Variants in PRSS33 observed in about 807,000 individuals in gnomAD.
PRSS33 encodes the protein serine protease 33, also known as protease, serine 33.
A neutral mutation model predicts 26.7 loss-of-function variants in PRSS33; 32 were observed. The ratio of observed to expected loss-of-function variants is 1.20; its 90% CI spans 0.90 to 1.61. The LOEUF (loss-of-function observed/expected upper bound fraction) is 1.61. PRSS33 is among the 40% of genes most tolerant of loss of function. PRSS33 has a pLI of 0.00. For missense variants in PRSS33, 450 were observed against 396.3 expected, an observed-to-expected ratio of 1.14 and a Z score of -1.15; for synonymous variants, 192 against 177.6, an observed-to-expected ratio of 1.08 and a Z score of -0.64.
At position 2,785,142 on chromosome 16, in the gene PRSS33, C is replaced by CT; in HGVS notation, c.543dup (p.Gly182ArgfsTer26). The CT allele has an allele frequency of 6.5e-7, 1 of 1,542,564 alleles. No homozygotes were observed. ...GAGTCCAGCAGCGGCACCCTTACTC[C>CT]TTGTAGCGGTCGCCACTCTGGGAGG... On this transcript the variant is annotated frameshift_variant, in exon 6 of 7. Coordinates refer to ENST00000682474, the MANE Select transcript of PRSS33 (RefSeq NM_152891.3). LOFTEE classifies it high-confidence loss of function.
rs759364613 is a variant in PRSS33 at position 2,786,532 on chromosome 16, A to G, written c.16T>C (p.Cys6Arg). The G allele has an allele frequency of 1.2e-6, 2 of 1,613,356 alleles. No homozygotes were observed. Among genetic ancestry groups the G allele is most frequent in the East Asian group, 4.5e-5 (2 of 44,862 alleles). ...ACCAGAAGGAGCAGGACCTGGAGAC[A>G]GGAAACCCCTCTCATTCTGTCTTCA... is the stretch of plus-strand genomic sequence containing the variant. The part of the protein sequence containing the change: MRGVS[C>R]LQVLLLLVLG... Residue 6 changes from cysteine to arginine, a missense_variant, in exon 2 of 7, where the codon TGT (cysteine) becomes CGT (arginine). Coordinates refer to ENST00000682474, the MANE Select transcript of PRSS33 (RefSeq NM_152891.3).
rs1463759671 is a variant in PRSS33, at chr16:2,786,086, C to T, written c.79+3G>A. The T allele has an allele frequency of 6.2e-7, 1 of 1,613,554 alleles. No individual in the cohort carries two copies. Among genetic ancestry groups the T allele is most frequent in the South Asian group, 1.1e-5 (1 of 91,078 alleles). ...ACTCGGGTGGACTCCGAGGCTTCCT[C>T]ACCTGCAGACTTCCTTCCCTGAGTC... On this transcript the variant is annotated splice_donor_region_variant and intron_variant, in intron 3 of 6. Coordinates refer to ENST00000682474, the MANE Select transcript of PRSS33 (RefSeq NM_152891.3).
Position 2,784,739 on chromosome 16 carries a change from TCACCACGCC to T in PRSS33, c.739_747del (p.Gly247_Val249del). 1 of 1,607,998 alleles carries T rather than the reference TCACCACGCC, an allele frequency of 6.2e-7. No homozygotes were observed. The highest frequency in any genetic ancestry group is 1.1e-5 in the South Asian group (1 of 89,838). On this transcript the variant is annotated inframe_deletion, in exon 7 of 7. Transcript: ENST00000682474. ...GGCAGGGCACAACCCTTGCCCCAGC[TCACCACGCC>T]CACCAGGACCCAGCTCCCAGACTGC... is the stretch of plus-strand genomic sequence containing the variant.
rs2068875779 is a variant in PRSS33 at position 2,786,504 on chromosome 16, A to G, written c.44T>C (p.Leu15Pro). The change falls in exon 2 of 7, where the codon CTG becomes CCG. Residue 15 changes from leucine (L) to proline (P), a missense_variant and splice_region_variant. Physicochemically the swap from Leu to Pro is moderately conservative, Grantham distance 98. Transcript: ENST00000682474. ...SCLQVLLLLV[L>P]GAAGTQGRKS... ...CCCCAGTCCCTGTCCCCACTCACCC[A>G]GCACCAGAAGGAGCAGGACCTGGAG... The G allele has an allele frequency of 6.2e-7, 1 of 1,613,166 alleles. No individual in the cohort carries two copies. Among genetic ancestry groups the G allele is most frequent in the Non-Finnish European group, 8.5e-7 (1 of 1,179,588 alleles).
chr16:2,784,236 G>C lies in PRSS33; in HGVS notation c.*408C>G, dbSNP rs2068847472. Reference sequence around the variant, plus strand: ...CCGTGTCCTCAAAGCCAGCTATGGAGGATCTCCCTGGTGTCAAATCTCTGT... The same window carrying C: ...CCGTGTCCTCAAAGCCAGCTATGGACGATCTCCCTGGTGTCAAATCTCTGT... On this transcript the variant is annotated 3_prime_UTR_variant, in exon 7 of 7. Transcript: ENST00000682474. The C allele has an allele frequency of 6.4e-6, 1 of 156,140 alleles. No homozygotes were observed. The allele number at this position is 156,140 out of a possible 1,614,324, so 9.7% of individuals were successfully genotyped here.
chr16:2,786,043 G>C, intron 3 of PRSS33, 46 bp downstream of exon 3: 9 of 1,612,014 alleles, frequency 5.6e-6, no homozygotes, highest in Non-Finnish European at 6.8e-6. Flanking sequence ...ACACGGGGCC[G>C]AGGTCCAGGA....
In PRSS33 at chr16:2,784,822, C is replaced by G. The variant is rs1438614267; in HGVS notation, c.685-20G>C. On this transcript the variant is annotated intron_variant, in intron 6 of 6. Coordinates refer to ENST00000682474, the MANE Select transcript of PRSS33 (RefSeq NM_152891.3). ...ATCACCCTGCAGGAGAAAGAGGAGC[C>G]TAAGTCCCAGCCCTCCCAGGACTTC... 4 of 1,592,350 alleles carry G rather than the reference C, an allele frequency of 2.5e-6. No homozygotes were observed. The highest frequency in any genetic ancestry group is 3.4e-6 in the Non-Finnish European group (4 of 1,168,672).
rs1259237916 is a variant in PRSS33 at position 2,786,579 on chromosome 16, GCAC to G, written c.-35_-33del. 2.5e-6 allele frequency: 4 copies of G among 1,612,084 alleles called. No homozygotes were observed. The African/African-American group carries it at 5.3e-5, about 22-fold the overall frequency. On this transcript the variant is annotated 5_prime_UTR_variant, in exon 2 of 7. Transcript: ENST00000682474. ...TTCAAGGCTGGGCTGGGTAAGGGTGGCACTGCCTAGGGCTTGGACTCTGGTCTG... is the reference window on the plus strand; with the variant it reads ...TTCAAGGCTGGGCTGGGTAAGGGTGGTGCCTAGGGCTTGGACTCTGGTCTG...
intron 3 of PRSS33, 40 bp from the exon 4 acceptor site, chr16:2,786,001 C>G: frequency 6.2e-7 from 1 of 1,613,096 alleles, no homozygotes; most frequent in Non-Finnish European, 8.5e-7. Context: ...GGCTGAGGAC[C>G]TGGGGCCTGG....
In PRSS33 at chr16:2,787,547, G is replaced by A. The variant is rs996623996; in HGVS notation, c.-72C>T. 6.9e-5 allele frequency among the ~76,000 whole-genome samples: 10 copies of A among 144,244 alleles called. No homozygotes were observed. Among genetic ancestry groups the A allele is most frequent in the Admixed American group, 1.4e-4 (2 of 14,242 alleles). The allele number at this position is 144,244 out of a possible 152,430, so 94.6% of individuals were successfully genotyped here. A position where few individuals can be genotyped will look rare whatever the true frequency, so the allele number is the denominator to read the frequency against. ...CTTGCTCTCACCCTCACAGCCTGGCGCCTTCTGCTGACTGGGGTTGAGGGA... is the reference window on the plus strand; with the variant it reads ...CTTGCTCTCACCCTCACAGCCTGGCACCTTCTGCTGACTGGGGTTGAGGGA... On this transcript the variant is annotated 5_prime_UTR_variant, in exon 1 of 7. Coordinates refer to ENST00000682474, the MANE Select transcript of PRSS33 (RefSeq NM_152891.3).
intron 1 of PRSS33, 32 bp from the exon 2 acceptor site, chr16:2,786,636 C>T (rs2068877438): frequency 1.4e-6 from 2 of 1,479,160 alleles, no homozygotes; most frequent in Non-Finnish European, 9.3e-7. Context: ...GAGGAGAGTC[C>T]TGGCCCAGGG....
Position 2,786,611 on chromosome 16 carries a change from C to T in PRSS33, c.-57-7G>A. ...CTAGGGCTTGGACTCTGGTCTGGAG[C>T]CAGCAGGGAGAAGAGAGGAGAGTCC... On this transcript the variant is annotated splice_region_variant and splice_polypyrimidine_tract_variant and intron_variant, in intron 1 of 6. Coordinates refer to ENST00000682474, the MANE Select transcript of PRSS33 (RefSeq NM_152891.3). 1.3e-6 allele frequency: 2 copies of T among 1,589,076 alleles called. No homozygotes were observed. Among genetic ancestry groups the T allele is most frequent in the Non-Finnish European group, 1.7e-6 (2 of 1,161,034 alleles).
chr16:2,786,089 C>A lies in PRSS33; in HGVS notation c.79G>T (p.Ala27Ser), dbSNP rs1470963503. 6.2e-7 allele frequency: 1 copy of A among 1,613,490 alleles called. No individual in the cohort carries two copies. The highest frequency in any genetic ancestry group is 1.3e-5 in the African/African-American group (1 of 74,918). The change falls in exon 3 of 7, where the codon GCC (alanine) becomes TCC (serine). Residue 27 changes from alanine to serine, a missense_variant and splice_region_variant. Physicochemically the swap from Ala to Ser is moderately conservative, Grantham distance 99. Coordinates refer to ENST00000682474, the MANE Select transcript of PRSS33 (RefSeq NM_152891.3). ...CGGGTGGACTCCGAGGCTTCCTCAC[C>A]TGCAGACTTCCTTCCCTGAGTCCCA... ...AAGTQGRKSA[A>S]CGQPRMSSRI... is the part of the protein sequence containing the mutation.
At position 2,784,614 on chromosome 16, in the gene PRSS33, C is replaced by G. The variant is rs375175566; in HGVS notation, c.*30G>C. 6.5e-7 allele frequency: 1 copy of G among 1,543,102 alleles called. No individual in the cohort carries two copies. Among genetic ancestry groups the G allele is most frequent in the Non-Finnish European group, 8.8e-7 (1 of 1,140,246 alleles). ...CCAGGAGGCTGAGGGACCCCAGCAG[C>G]TGGCTCCAGGTCAGCCTCACCGGCT... On this transcript the variant is annotated 3_prime_UTR_variant, in exon 7 of 7. Coordinates refer to ENST00000682474, the MANE Select transcript of PRSS33 (RefSeq NM_152891.3).
At chr16:2,785,728 A>T in intron 4 of PRSS33, 71 bp downstream of exon 4, 1 of 1,485,286 alleles carries the variant, frequency 6.7e-7, no homozygotes, top group Non-Finnish European at 8.9e-7. Context: ...CGCCTCTGCC[A>T]GGCCACGCCC....
intron 4 of PRSS33, 39 bp downstream of exon 4, chr16:2,785,760 T>G (rs1290966808): frequency 1.9e-6 from 3 of 1,545,614 alleles, no homozygotes; most frequent in South Asian, 1.2e-5. Context: ...GGCCTTGCCT[T>G]CCTTGCACAC....
Position 2,785,617 on chromosome 16 carries a change from C to T in PRSS33, c.272G>A (p.Arg91His). 6.6e-7 allele frequency: 1 copy of T among 1,505,424 alleles called. No homozygotes were observed. Among genetic ancestry groups the T allele is most frequent in the Non-Finnish European group, 8.8e-7 (1 of 1,134,956 alleles). 93.3% of individuals were successfully genotyped at this position (1,505,424 alleles called of 1,614,324 possible). Residue 91 changes from arginine to histidine, a missense_variant, in exon 5 of 7, where the codon CGC becomes CAC. Transcript: ENST00000682474. ...RRALPAEYRV[R>H]LGALRLGSTS... ...GGAGCCCAGACGCAGCGCCCCCAGG[C>T]GCACGCGGTACTCAGCTGGCAGTGC...
At chr16:2,785,298 G>C in intron 5 of PRSS33, 77 bp downstream of exon 5, 3 of 1,450,402 alleles carry the variant, frequency 2.1e-6, no homozygotes, top group Non-Finnish European at 2.7e-6. Context: ...GGGGCAGTGA[G>C]GGGCTGGGAT....
At chr16:2,787,295 C>T (rs2068888741) in intron 1 of PRSS33, among the ~76,000 whole-genome samples, 1 of 13,662 alleles carries the variant, frequency 7.3e-5, no homozygotes. Context: ...CACCCCCTCC[C>T]TCATCCTCAC....
Sources: allele counts gnomAD v4.1 joint callset (sites outside exome capture counted in the v4.1 genomes callset), GRCh38; gene constraint gnomAD v4.1.1; transcripts MANE v1.5; gene names NCBI Gene and HGNC (gene_info 2026-07-23, HGNC 2026-07-21).